The following NCAPG variants were observed in gnomAD, a reference collection of about 807,000 sequenced individuals.
NCAPG encodes the protein non-SMC condensin I complex subunit G.
In NCAPG, 69 loss-of-function variants were observed where a neutral mutation model predicts 113.1. That is an observed-to-expected ratio of 0.61 (90% CI 0.50 to 0.75). The LOEUF (loss-of-function observed/expected upper bound fraction) is 0.75. Ranked by LOEUF, NCAPG falls within the 30% of genes least tolerant of loss-of-function variation. The pLI, the probability that NCAPG is intolerant of heterozygous loss-of-function variation, is 0.00. For missense variants in NCAPG, 1,058 were observed against 1,177.0 expected, an observed-to-expected ratio of 0.90 and a Z score of 1.48; for synonymous variants, 370 against 415.8, an observed-to-expected ratio of 0.89 and a Z score of 1.34.
chr4:17,839,785 T>G lies in NCAPG; in HGVS notation c.2576T>G (p.Leu859Arg). 1 of 1,587,404 alleles carries G rather than the reference T, an allele frequency of 6.3e-7. No homozygotes were observed. The highest frequency in any genetic ancestry group is 8.5e-7 in the Non-Finnish European group (1 of 1,173,876). The change falls in exon 17 of 21, where the codon CTC becomes CGC. Residue 859 changes from leucine to arginine, a missense_variant. Transcript: ENST00000251496. ...ACAAAAGCCTTGAGTTCTTTAGAAC[T>G]CAGTAGCCATCTTGCAAAAGATCTT... ...VYTKALSSLE[L>R]SSHLAKDLLV...
intron 18 of NCAPG, 35 bp downstream of exon 18, chr4:17,840,244 C>CTGT: frequency 1.4e-6 from 2 of 1,469,228 alleles, no homozygotes; most frequent in Non-Finnish European, 1.8e-6. Context: ...TTATAAGGTT[C>CTGT]TGTTTTTTTT....
intron 6 of NCAPG, 62 bp downstream of exon 6, chr4:17,817,515 T>G (rs1577334166): frequency 2.2e-6 from 3 of 1,368,326 alleles, no homozygotes; most frequent in East Asian, 4.6e-5. Flanking sequence ...TAATTTGTTT[T>G]TTTTCCTCCC....
chr4:17,844,411 A>G lies in NCAPG; in HGVS notation c.*986A>G, dbSNP rs1189418188. 6.6e-6 allele frequency: 1 copy of G among 152,394 alleles called. No homozygotes were observed. Among genetic ancestry groups the G allele is most frequent in the African/African-American group, 2.4e-5 (1 of 41,416 alleles). 9.4% of individuals were successfully genotyped at this position (152,394 alleles called of 1,614,324 possible). A position where few individuals can be genotyped will look rare whatever the true frequency, so the allele number is the denominator to read the frequency against. On this transcript the variant is annotated 3_prime_UTR_variant, in exon 21 of 21. Transcript: ENST00000251496. ...GCTTTTTTTAGGCTTATCATCTACT[A>G]GAGGCCATTTACTTAAGGTGAAATT...
chr4:17,825,342 G>A (rs750532919), intron 10 of NCAPG, 40 bp from the exon 11 acceptor site: 1 of 1,506,986 alleles, frequency 6.6e-7, no homozygotes, highest in South Asian at 1.3e-5. Context: ...CATATTAACA[G>A]TTTTTGTTCA....
rs1212309382 is a variant in NCAPG, at chr4:17,818,014, A to T, written c.1044A>T (p.Ser348=). The change falls in exon 7 of 21, where the codon TCA becomes TCT. Residue 348 remains serine, a synonymous_variant. Coordinates refer to ENST00000251496, the MANE Select transcript of NCAPG (RefSeq NM_022346.5). The part of the protein sequence containing the change: ...YWCALCEYLK[S]KGDEGEEFLE... ...GTGCCCTTTGTGAATATTTGAAATC[A>T]AAAGGAGATGAAGGTGAAGAATTTT... 1 of 1,613,584 alleles carries T rather than the reference A, an allele frequency of 6.2e-7. No individual in the cohort carries two copies. Among genetic ancestry groups the T allele is most frequent in the Non-Finnish European group, 8.5e-7 (1 of 1,179,804 alleles).
chr4:17,818,496 A>G (rs553246246), intron 7 of NCAPG, among the ~76,000 whole-genome samples: 13 of 152,370 alleles, frequency 8.5e-5, no homozygotes, highest in African/African-American at 3.1e-4. Context: ...CAATGTAAGT[A>G]ACTGTTTTTC....
In NCAPG at chr4:17,837,842, T is replaced by C. The variant is rs768471195; in HGVS notation, c.2466+41T>C. ...AACTGCATGCAGATCACTGTTTTGG[T>C]AAAATAATCTCTCTCAAAGATCCCT... On this transcript the variant is annotated intron_variant, in intron 16 of 20. Coordinates refer to ENST00000251496, the MANE Select transcript of NCAPG (RefSeq NM_022346.5). 66 of 1,604,602 alleles carry C rather than the reference T, an allele frequency of 4.1e-5. No individual in the cohort carries two copies. In the South Asian group the frequency reaches 6.7e-4, roughly 16 times the overall value.
In NCAPG at chr4:17,842,327, GT is replaced by G; in HGVS notation, c.2875del (p.Ser959GlnfsTer28). ...TCTTCAAGGACAGAGAAAAGTGACA[GT>G]TTCAGCTAGGACGAACAGGAGGTGT... ...KTNRGQRKVT[V>X]SARTNRRCQT... On this transcript the variant is annotated frameshift_variant, in exon 20 of 21. Transcript: ENST00000251496. LOFTEE classifies it high-confidence loss of function. 1 of 1,612,048 alleles carries G rather than the reference GT, an allele frequency of 6.2e-7. No homozygotes were observed. The highest frequency in any genetic ancestry group is 8.5e-7 in the Non-Finnish European group (1 of 1,178,448).
chr4:17,820,651 T>A (rs1347534033), intron 7 of NCAPG, among the ~76,000 whole-genome samples: 2 of 152,104 alleles, frequency 1.3e-5, no homozygotes, highest in African/African-American at 4.8e-5. Context: ...TAGTGATTGT[T>A]GAAAGAATAC....
chr4:17,823,932 A>C (rs892595763), intron 9 of NCAPG, among the ~76,000 whole-genome samples, 162 bp downstream of exon 9: 4 of 152,156 alleles, frequency 2.6e-5, no homozygotes, highest in African/African-American at 9.7e-5. Flanking sequence ...TCTTACATAC[A>C]CAGAATATTT....
intron 13 of NCAPG, 100 bp downstream of exon 13, chr4:17,831,216 G>C: frequency 8.0e-7 from 1 of 1,248,776 alleles, no homozygotes; most frequent in Non-Finnish European, 1.1e-6. Context: ...TCTTATTGAT[G>C]ATGATTATTA....
intron 17 of NCAPG, 81 bp downstream of exon 17, chr4:17,839,918 A>G (rs1722276114): frequency 2.0e-6 from 3 of 1,463,560 alleles, no homozygotes; most frequent in Non-Finnish European, 2.8e-6. Context: ...ATTAGATTAT[A>G]CATATGTTAG....
At position 17,817,410 on chromosome 4, in the gene NCAPG, C is replaced by G. The variant is rs1560223077; in HGVS notation, c.925C>G (p.Pro309Ala). Residue 309 changes from proline (P) to alanine (A), a missense_variant, in exon 6 of 21, where the codon CCT becomes GCT. Transcript: ENST00000251496. ...SVLNALFSIT[P>A]LSELVGLCKN... is the part of the protein sequence containing the mutation. ...TCTCAATGCCTTGTTTTCAATAACTCCTCTCAGTGAACTGGTGGGACTCTG... is the reference window on the plus strand; with the variant it reads ...TCTCAATGCCTTGTTTTCAATAACTGCTCTCAGTGAACTGGTGGGACTCTG... The G allele has an allele frequency of 6.2e-7, 1 of 1,614,074 alleles. No individual in the cohort carries two copies. The highest frequency in any genetic ancestry group is 1.1e-5 in the South Asian group (1 of 91,074).
chr4:17,815,359 G>T lies in NCAPG; in HGVS notation c.775+1G>T, dbSNP rs769385019. On this transcript the variant is annotated splice_donor_variant, in intron 5 of 20. Coordinates refer to ENST00000251496, the MANE Select transcript of NCAPG (RefSeq NM_022346.5). LOFTEE classifies it high-confidence loss of function. ...CAACAAGGTCTTAATGACAGATCAG[G>T]TAAGATAAACAACTTTATATATACA... 25 of 1,580,730 alleles carry T rather than the reference G, an allele frequency of 1.6e-5. No individual in the cohort carries two copies. Among genetic ancestry groups the T allele is most frequent in the Non-Finnish European group, 2.1e-5 (24 of 1,170,190 alleles).
In NCAPG at chr4:17,843,446, T is replaced by C; in HGVS notation, c.*21T>C. ...GTTAGGAAAGACGATGGAGGTGGAATCCTTTAAGATTATGTCCAGTTATTT... is the reference window on the plus strand; with the variant it reads ...GTTAGGAAAGACGATGGAGGTGGAACCCTTTAAGATTATGTCCAGTTATTT... On this transcript the variant is annotated 3_prime_UTR_variant, in exon 21 of 21. Transcript: ENST00000251496. The C allele has an allele frequency of 6.2e-7, 1 of 1,608,550 alleles. No individual in the cohort carries two copies. Among genetic ancestry groups the C allele is most frequent in the South Asian group, 1.1e-5 (1 of 90,794 alleles).
Position 17,834,348 on chromosome 4 carries a change from T to C in NCAPG, c.1934T>C (p.Ile645Thr), listed in dbSNP as rs764948013. Residue 645 changes from isoleucine to threonine, a missense_variant, in exon 14 of 21, where the codon ATC (isoleucine) becomes ACC (threonine). Transcript: ENST00000251496. ...VTIKISALKA[I>T]FDQLMTFGIE... The stretch of plus-strand genomic sequence containing the variant: ...ATAAAAATAAGTGCTTTAAAGGCAA[T>C]CTTTGACCAACTGATGACGTTCGGG... 1 of 1,607,154 alleles carries C rather than the reference T, an allele frequency of 6.2e-7. No homozygotes were observed. Among genetic ancestry groups the C allele is most frequent in the Non-Finnish European group, 8.5e-7 (1 of 1,176,568 alleles).
In NCAPG at chr4:17,812,290, C is replaced by T. The variant is rs756733157; in HGVS notation, c.181C>T (p.Arg61Cys). The T allele has an allele frequency of 8.7e-6, 14 of 1,613,518 alleles. No homozygotes were observed. Among genetic ancestry groups the T allele is most frequent in the African/African-American group, 2.7e-5 (2 of 74,882 alleles). ...YLKYVMVVYK[R>C]EPAVERVIEF... ...TAAATATGTTATGGTGGTCTATAAA[C>T]GTGAACCAGCTGTGGAGAGGGTAAT... Residue 61 changes from arginine (R) to cysteine (C), a missense_variant, in exon 2 of 21, where the codon CGT becomes TGT. By Grantham distance (180) the Arg-to-Cys change is radical. Coordinates refer to ENST00000251496, the MANE Select transcript of NCAPG (RefSeq NM_022346.5).
At chr4:17,842,428 T>C in intron 20 of NCAPG, 49 bp downstream of exon 20, 2 of 1,481,326 alleles carry the variant, frequency 1.4e-6, no homozygotes, top group Non-Finnish European at 1.9e-6. Flanking sequence ...TCACTTTTTA[T>C]TTCTACAAGT....
chr4:17,834,981 T>C (rs1243166118), intron 14 of NCAPG, among the ~76,000 whole-genome samples: 1 of 152,268 alleles, frequency 6.6e-6, no homozygotes, highest in Non-Finnish European at 1.5e-5. Flanking sequence ...TATTTCTTTA[T>C]GTTGTATTTG....
Sources: allele counts gnomAD v4.1 joint callset (sites outside exome capture counted in the v4.1 genomes callset), GRCh38; gene constraint gnomAD v4.1.1; transcripts MANE v1.5; gene names NCBI Gene and HGNC (gene_info 2026-07-23, HGNC 2026-07-21).